The following CSMD1 variants were observed in gnomAD, a reference collection of about 807,000 sequenced individuals.
The protein encoded by CSMD1 is CUB and sushi domain-containing protein 1.
CSMD1 carries 213 observed loss-of-function variants against 417.5 expected under a neutral mutation model. That is an observed-to-expected ratio of 0.51 (90% confidence interval 0.46 to 0.57). The LOEUF is 0.57. CSMD1 is among the 20% of genes least tolerant of loss of function. CSMD1 has a pLI of 0.00. For synonymous variants in CSMD1, 2,862 were observed against 1,736.8 expected (o/e 1.65, Z -16.11); for missense variants, 6,923 against 4,529.7 (o/e 1.53, Z -15.17).
chr8:3,347,451 C>T (rs1472228718), intron 22 of CSMD1, among the ~76,000 whole-genome samples: 1 of 152,184 alleles, frequency 6.6e-6, no homozygotes, highest in Non-Finnish European at 1.5e-5. Context: ...TTGGCTTCTC[C>T]TCATCAGCCC....
intron 5 of CSMD1, among the ~76,000 whole-genome samples, 184 bp downstream of exon 5, chr8:3,997,719 C>T (rs544303143): frequency 2.0e-5 from 3 of 152,226 alleles, no homozygotes; most frequent in South Asian, 4.1e-4. Context: ...ACAAAGACAT[C>T]TTAGAAACTT....
chr8:4,120,165 C>A (rs1048914494), intron 3 of CSMD1, among the ~76,000 whole-genome samples: 3 of 152,020 alleles, frequency 2.0e-5, no homozygotes, highest in Non-Finnish European at 4.4e-5. Flanking sequence ...ATCTCACGTA[C>A]CCCATAAATA....
chr8:3,064,443 G>A (rs913586133), intron 49 of CSMD1, among the ~76,000 whole-genome samples: 1 of 152,158 alleles, frequency 6.6e-6, no homozygotes, highest in African/African-American at 2.4e-5. Context: ...ATGATTGTAA[G>A]TTTCCTGAGG....
intron 11 of CSMD1, among the ~76,000 whole-genome samples, chr8:3,481,055 C>T (rs1817715094): frequency 6.7e-6 from 1 of 148,302 alleles, no homozygotes; most frequent in African/African-American, 2.5e-5. Flanking sequence ...ACTAGGGAGG[C>T]TGAGGCAGGA....
chr8:4,467,893 T>G (rs532260317), intron 2 of CSMD1, among the ~76,000 whole-genome samples: 5 of 152,302 alleles, frequency 3.3e-5, no homozygotes, highest in African/African-American at 1.2e-4. Flanking sequence ...TCTAGTGGGT[T>G]GAACACTGGT....
rs1810912614 is a variant in CSMD1, at chr8:4,981,937, G to A, written c.85+12395C>T. On this transcript the variant is annotated intron_variant, in intron 1 of 69. Transcript: ENST00000635120. The stretch of plus-strand genomic sequence containing the variant: ...CCTAACCTGGTTTGAGCCATGCTAG[G>A]AAGTCCCAGGTGACAACCGTGTGTG... Among the ~76,000 whole-genome samples, 3 of 152,210 alleles carry A rather than the reference G, an allele frequency of 2.0e-5. No homozygotes were observed. In the South Asian group the frequency reaches 6.2e-4, roughly 32 times the overall value.
chr8:4,058,286 C>T (rs557438660), intron 3 of CSMD1, among the ~76,000 whole-genome samples: 101 of 152,180 alleles, frequency 6.6e-4, no homozygotes, highest in African/African-American at 2.0e-3. Flanking sequence ...ATTTTATTCT[C>T]TTTGAAGCAA....
Position 3,427,384 on chromosome 8 carries a change from T to A in CSMD1, c.1562-17779A>T, listed in dbSNP as rs117955864. 3.7e-3 allele frequency among the ~76,000 whole-genome samples: 559 copies of A among 152,304 alleles called. 1 individual carries two copies. The highest frequency in any genetic ancestry group is 0.02 in the South Asian group (97 of 4,818). ...AAACTTCTCATAAAAAGATGGTCCCTGTCTCCTATTTAATAATAACTAATC... is the reference window on the plus strand; with the variant it reads ...AAACTTCTCATAAAAAGATGGTCCCAGTCTCCTATTTAATAATAACTAATC... On this transcript the variant is annotated intron_variant, in intron 12 of 69. Transcript: ENST00000635120.
intron 3 of CSMD1, among the ~76,000 whole-genome samples, chr8:4,302,691 G>T (rs1220247753): frequency 6.6e-6 from 1 of 152,236 alleles, no homozygotes; most frequent in South Asian, 2.1e-4. Context: ...CTACTAAACT[G>T]GTGTGTATGT....
At chr8:3,993,295 G>A (rs181958774) in intron 5 of CSMD1, among the ~76,000 whole-genome samples, 11 of 152,194 alleles carry the variant, frequency 7.2e-5, no homozygotes, top group Non-Finnish European at 1.3e-4. Context: ...TTTAATTTTG[G>A]GGCACGTGAG....
At chr8:4,389,487 A>G (rs1488641290) in intron 3 of CSMD1, among the ~76,000 whole-genome samples, 1 of 152,162 alleles carries the variant, frequency 6.6e-6, no homozygotes, top group Non-Finnish European at 1.5e-5. Flanking sequence ...TTTCTCAGAA[A>G]TGTAAAAGAA....
chr8:4,015,508 T>A (rs1003403489), intron 4 of CSMD1, among the ~76,000 whole-genome samples: 5 of 152,090 alleles, frequency 3.3e-5, no homozygotes, highest in Admixed American at 3.3e-4. Context: ...CAGATAGGTC[T>A]AAAAGCAACA....
intron 37 of CSMD1, among the ~76,000 whole-genome samples, chr8:3,167,982 G>A (rs1391454484): frequency 6.6e-6 from 1 of 151,606 alleles, no homozygotes; most frequent in African/African-American, 2.4e-5. Context: ...ATTATGAACT[G>A]AAATGACCTT....
intron 4 of CSMD1, among the ~76,000 whole-genome samples, chr8:4,003,142 C>G (rs1414232827): frequency 1.3e-5 from 2 of 151,948 alleles, no homozygotes; most frequent in African/African-American, 2.4e-5. Context: ...GCCTGTAGTC[C>G]CAACACTTTG....
chr8:2,985,610 A>C (rs1171162229), intron 54 of CSMD1, among the ~76,000 whole-genome samples: 1 of 152,238 alleles, frequency 6.6e-6, no homozygotes, highest in Non-Finnish European at 1.5e-5. Flanking sequence ...AAAAATATTC[A>C]ATGAAGTATA....
intron 12 of CSMD1, among the ~76,000 whole-genome samples, chr8:3,468,481 T>C (rs1816908946): frequency 1.3e-5 from 2 of 152,162 alleles, no homozygotes; most frequent in South Asian, 4.1e-4. Flanking sequence ...ACCTCACTCT[T>C]TATTTTGGGA....
At chr8:4,306,050 T>C (rs1439520860) in intron 3 of CSMD1, among the ~76,000 whole-genome samples, 2 of 152,226 alleles carry the variant, frequency 1.3e-5, no homozygotes, top group Non-Finnish European at 2.9e-5. Flanking sequence ...AGTATGCACA[T>C]TACTGGACAT....
intron 5 of CSMD1, among the ~76,000 whole-genome samples, chr8:3,897,629 T>G (rs1807453277): frequency 1.3e-5 from 2 of 152,072 alleles, no homozygotes; most frequent in African/African-American, 4.8e-5. Context: ...CAAAATGGAC[T>G]GCTGTAACAC....
At chr8:4,852,603 G>A (rs1302990062) in intron 1 of CSMD1, among the ~76,000 whole-genome samples, 1 of 152,144 alleles carries the variant, frequency 6.6e-6, no homozygotes, top group Non-Finnish European at 1.5e-5. Context: ...GTGGGATGTT[G>A]CTATAAAGAT....
Sources: allele counts gnomAD v4.1 joint callset (sites outside exome capture counted in the v4.1 genomes callset), GRCh38; gene constraint gnomAD v4.1.1; transcripts MANE v1.5; gene names NCBI Gene and HGNC (gene_info 2026-07-23, HGNC 2026-07-21).